Variants in CEP170 observed in about 807,000 individuals in gnomAD.
CEP170 encodes centrosomal protein 170, also known as centrosomal protein of 170 kDa.
In CEP170, 21 loss-of-function variants were observed where a neutral mutation model predicts 151.9. The ratio of observed to expected loss-of-function variants is 0.14; its 90% CI spans 0.10 to 0.20. The LOEUF is 0.20. Among genes scored for constraint, CEP170 ranks in the 10% least tolerant of loss-of-function variants. The pLI, the probability that CEP170 is intolerant of heterozygous loss-of-function variation, is 1.00. For missense variants in CEP170, 964 were observed against 1,892.9 expected (o/e 0.51, Z 9.11); for synonymous variants, 356 against 648.8 (o/e 0.55, Z 6.86).
At chr1:243,209,765 C>T (rs562157245) in intron 4 of CEP170, among the ~76,000 whole-genome samples, 138 of 151,914 alleles carry the variant, frequency 9.1e-4, no homozygotes, top group African/African-American at 3.2e-3. Flanking sequence ...CTGCAAGCTC[C>T]GCCTCCCGGG....
At chr1:243,209,597 A>G (rs1015703824) in intron 4 of CEP170, among the ~76,000 whole-genome samples, 1 of 152,236 alleles carries the variant, frequency 6.6e-6, no homozygotes, top group African/African-American at 2.4e-5. Context: ...TCTTCAATCT[A>G]GCATAGCTAA....
At chr1:243,148,008 C>G (rs926485019) in intron 14 of CEP170, among the ~76,000 whole-genome samples, 24 of 151,972 alleles carry the variant, frequency 1.6e-4, no homozygotes, top group Non-Finnish European at 2.8e-4. Context: ...TGGTGAAACC[C>G]TGTCTCTACT....
chr1:243,241,120 G>A (rs527759184), intron 1 of CEP170, among the ~76,000 whole-genome samples: 36 of 152,312 alleles, frequency 2.4e-4, no homozygotes, highest in African/African-American at 8.4e-4. Flanking sequence ...TTGTGTAGGA[G>A]GGTGCCTCCG....
intron 1 of CEP170, among the ~76,000 whole-genome samples, chr1:243,232,372 G>A (rs777401671): frequency 2.0e-5 from 3 of 152,100 alleles, no homozygotes; most frequent in Non-Finnish European, 4.4e-5. Flanking sequence ...CAGCATTTAG[G>A]AAATCTCAAA....
In CEP170 at chr1:243,220,439, A is replaced by AG. The variant is rs565572235; in HGVS notation, c.195+1284dup. The stretch of plus-strand genomic sequence containing the variant: ...AAAAATGCTTGAATAAAACCAACAG[A>AG]GAAAAAAAAAGGCTTGAATAAAACC... On this transcript the variant is annotated intron_variant, in intron 3 of 19. Transcript: ENST00000366542. Among the ~76,000 whole-genome samples the AG allele has an allele frequency of 1.9e-3, 295 of 152,276 alleles. 3 individuals carry two copies. Among genetic ancestry groups the AG allele is most frequent in the Middle Eastern group, 0.01 (3 of 294 alleles).
At chr1:243,132,338 G>T (rs902056855) in intron 17 of CEP170, among the ~76,000 whole-genome samples, 1 of 152,108 alleles carries the variant, frequency 6.6e-6, no homozygotes, top group African/African-American at 2.4e-5. Context: ...TCCTTCCTTT[G>T]CCTTTATATC....
chr1:243,253,091 T>C (rs920002499), intron 1 of CEP170: 6 of 152,184 alleles, frequency 3.9e-5, no homozygotes, highest in African/African-American at 1.4e-4. Context: ...AGAAATAATA[T>C]TAAAACCTAC....
intron 1 of CEP170, chr1:243,253,097 C>T (rs2066096179): frequency 6.6e-6 from 1 of 152,076 alleles, no homozygotes; most frequent in Non-Finnish European, 1.5e-5. Flanking sequence ...AATATTAAAA[C>T]CTACCGTTAA....
At chr1:243,127,667 T>C (rs942968618) in intron 19 of CEP170, among the ~76,000 whole-genome samples, 1 of 152,206 alleles carries the variant, frequency 6.6e-6, no homozygotes, top group African/African-American at 2.4e-5. Flanking sequence ...GAATTAGCAG[T>C]TGACTATGGA....
At chr1:243,191,874 G>GA (rs2060327880) in intron 7 of CEP170, among the ~76,000 whole-genome samples, 2 of 152,082 alleles carry the variant, frequency 1.3e-5, no homozygotes, top group South Asian at 4.1e-4. Context: ...AAAAGTGACA[G>GA]AAAAACCATG....
chr1:243,131,911 C>G lies in CEP170; in HGVS notation c.4320-2458G>C, dbSNP rs1183231663. ...CAAACAGAAGTCTCAGGCTCCTATT[C>G]TATGAGCCATAACCAATTCCCTAGT... On this transcript the variant is annotated intron_variant, in intron 17 of 19. Transcript: ENST00000366542. 5.3e-5 allele frequency among the ~76,000 whole-genome samples: 8 copies of G among 152,220 alleles called. No homozygotes were observed. The East Asian group carries it at 1.5e-3, about 29-fold the overall frequency.
In CEP170 at chr1:243,186,354, G is replaced by A. The variant is rs754809055; in HGVS notation, c.1177C>T (p.Arg393Cys). Residue 393 changes from arginine to cysteine, a missense_variant, in exon 9 of 20, where the codon CGT (arginine) becomes TGT (cysteine). By Grantham distance (180) the Arg-to-Cys change is radical. Transcript: ENST00000366542. ...CTTAAGTGTTCCTCAAGAGTTGCAC[G>A]TTTGCTACAGCGCCTGTGAGCCCCA... is the stretch of plus-strand genomic sequence containing the variant. The part of the protein sequence containing the change: ...NAGAHRRCSK[R>C]ATLEEHLRRH... The A allele has an allele frequency of 2.4e-5, 39 of 1,613,548 alleles. No homozygotes were observed. In the Admixed American group the frequency reaches 5.3e-4, roughly 22 times the overall value.
rs2058399077 is a variant in CEP170, at chr1:243,165,819, C to T, written c.2141G>A (p.Gly714Glu). 2 of 1,614,040 alleles carry T rather than the reference C, an allele frequency of 1.2e-6. No homozygotes were observed. Among genetic ancestry groups the T allele is most frequent in the African/African-American group, 1.3e-5 (1 of 75,064 alleles). Reference sequence around the variant, plus strand: ...TAAGTGAAGTAGGGTTTTATTATCTCCACCAGTTTTGAGAGTCTCTCCATT... The same window carrying T: ...TAAGTGAAGTAGGGTTTTATTATCTTCACCAGTTTTGAGAGTCTCTCCATT... ...AVNGETLKTG[G>E]DNKTLLHLGS... The change falls in exon 13 of 20, where the codon GGA (glycine) becomes GAA (glutamate). Residue 714 changes from glycine (G) to glutamate (E), a missense_variant. Coordinates refer to ENST00000366542, the MANE Select transcript of CEP170 (RefSeq NM_014812.3).
chr1:243,235,057 C>A (rs1168608555), intron 1 of CEP170, among the ~76,000 whole-genome samples: 3 of 151,968 alleles, frequency 2.0e-5, no homozygotes, highest in Non-Finnish European at 4.4e-5. Flanking sequence ...AAAATAAAAC[C>A]CAGTTTGTTT....
At chr1:243,162,098 G>A (rs1024707273) in intron 13 of CEP170, among the ~76,000 whole-genome samples, 1 of 152,148 alleles carries the variant, frequency 6.6e-6, no homozygotes, top group African/African-American at 2.4e-5. Flanking sequence ...GTGGAATAGA[G>A]AATATAAACT....
chr1:243,145,237 C>T (rs1470857031), intron 14 of CEP170, among the ~76,000 whole-genome samples: 1 of 152,158 alleles, frequency 6.6e-6, no homozygotes, highest in East Asian at 1.9e-4. Context: ...ATTTAAACTG[C>T]CAACAAAACA....
chr1:243,195,483 C>T (rs1042506310), intron 7 of CEP170, among the ~76,000 whole-genome samples: 6 of 151,726 alleles, frequency 4.0e-5, no homozygotes, highest in African/African-American at 1.2e-4. Flanking sequence ...GGCAAGTCTT[C>T]GGGAGTTTCT....
At chr1:243,243,136 A>G (rs138139943) in intron 1 of CEP170, among the ~76,000 whole-genome samples, 128 of 152,290 alleles carry the variant, frequency 8.4e-4, no homozygotes, top group African/African-American at 2.8e-3. Context: ...AGACAGGAGG[A>G]TCGCTTGAGC....
chr1:243,139,780 T>A (rs943583059), intron 16 of CEP170, among the ~76,000 whole-genome samples, 157 bp downstream of exon 16: 2 of 152,174 alleles, frequency 1.3e-5, no homozygotes, highest in Non-Finnish European at 2.9e-5. Context: ...CTAAGTGACA[T>A]AATTATTTGT....
Sources: allele counts gnomAD v4.1 joint callset (sites outside exome capture counted in the v4.1 genomes callset), GRCh38; gene constraint gnomAD v4.1.1; transcripts MANE v1.5; gene names NCBI Gene and HGNC (gene_info 2026-07-23, HGNC 2026-07-21).